Variants in CD40 observed in about 807,000 individuals in gnomAD.
CD40 encodes the protein tumor necrosis factor receptor superfamily member 5.
Under a neutral mutation model 38.5 loss-of-function variants are expected in CD40, and 19 were observed. The observed-to-expected ratio is 0.49, with a 90% CI of 0.34 to 0.72. The LOEUF (loss-of-function observed/expected upper bound fraction) is 0.72, where lower values mean the gene tolerates loss of function less well. Ranked by LOEUF, CD40 falls within the 30% of genes least tolerant of loss-of-function variation. The probability of loss-of-function intolerance (pLI) is 0.01; values close to 1 mark genes in which losing one functional copy is unlikely to be tolerated. For synonymous variants in CD40, 130 were observed against 128.7 expected (o/e 1.01, Z -0.07); for missense variants, 256 against 344.1 (o/e 0.74, Z 2.03).
rs1277705604 is a variant in CD40 at position 46,122,691 on chromosome 20, G to C, written c.338G>C (p.Ser113Thr). 3 of 1,614,184 alleles carry C rather than the reference G, an allele frequency of 1.9e-6. No individual in the cohort carries two copies. The South Asian group carries it at 3.3e-5, about 18-fold the overall frequency. The change falls in exon 4 of 9, where the codon AGT becomes ACT. Residue 113 changes from serine to threonine, a missense_variant. Physicochemically the swap from Ser to Thr is moderately conservative, Grantham distance 58 (BLOSUM62 1). Coordinates refer to ENST00000372285, the MANE Select transcript of CD40 (RefSeq NM_001250.6). This position sits in a 1 kb window ranked among gnomAD's most constrained non-coding sequence, Gnocchi z 5.0. ...TGTGAAGAAGGCTGGCACTGTACGAGTGAGGCCTGTGAGAGCTGTGTCCTG... is the reference window on the plus strand; with the variant it reads ...TGTGAAGAAGGCTGGCACTGTACGACTGAGGCCTGTGAGAGCTGTGTCCTG... ...CTCEEGWHCT[S>T]EACESCVLHR...
chr20:46,129,141 T>A lies in CD40; in HGVS notation c.*101T>A. 7.5e-7 allele frequency: 1 copy of A among 1,341,812 alleles called. No individual in the cohort carries two copies. Among genetic ancestry groups the A allele is most frequent in the Non-Finnish European group, 1.1e-6 (1 of 943,210 alleles). 83.1% of individuals were successfully genotyped at this position (1,341,812 alleles called of 1,614,324 possible). ...TGGCGTGAGGGTGAGGGGCTGGCAC[T>A]GACTGGGCATAGCTCCCCGCTTCTG... is the stretch of plus-strand genomic sequence containing the variant. On this transcript the variant is annotated 3_prime_UTR_variant, in exon 9 of 9. Coordinates refer to ENST00000372285, the MANE Select transcript of CD40 (RefSeq NM_001250.6).
At chr20:46,124,751 G>GTTGTTTTTT (rs2085390341) in intron 5 of CD40, among the ~76,000 whole-genome samples, 1 of 73,938 alleles carries the variant, frequency 1.4e-5, no homozygotes, top group East Asian at 4.1e-4. Flanking sequence ...CACTGGTATA[G>GTTGTTTTTT]TTTTTTTTTT....
chr20:46,125,033 C>T (rs2085404515), intron 5 of CD40, among the ~76,000 whole-genome samples: 1 of 151,480 alleles, frequency 6.6e-6, no homozygotes, highest in South Asian at 2.1e-4. Flanking sequence ...TCCCAAAGTG[C>T]TGGGATTACA....
chr20:46,128,687 G>A (rs1369392520), intron 8 of CD40, 195 bp from the exon 9 acceptor site: 1 of 673,656 alleles, frequency 1.5e-6, no homozygotes, highest in African/African-American at 1.8e-5. Flanking sequence ...TAAGCCCACT[G>A]GCTCCCACTC....
chr20:46,124,031 G>C (rs2085371359), intron 5 of CD40, among the ~76,000 whole-genome samples: 1 of 152,222 alleles, frequency 6.6e-6, no homozygotes, highest in African/African-American at 2.4e-5. Flanking sequence ...AGGCGCGGTG[G>C]CTCTTGCCTG....
In CD40 at chr20:46,124,758, T is replaced by TTTTG. The variant is rs2085392865; in HGVS notation, c.497+1542_497+1543insGTTT. Among the ~76,000 whole-genome samples, 4 of 97,830 alleles carry TTTTG rather than the reference T, an allele frequency of 4.1e-5. 1 individual carries two copies. In the East Asian group the frequency reaches 1.0e-3, roughly 26 times the overall value. 64.2% of individuals were successfully genotyped at this position (97,830 alleles called of 152,430 possible). A position where few individuals can be genotyped will look rare whatever the true frequency, so the allele number is the denominator to read the frequency against. Reference sequence around the variant, plus strand: ...GGAGGCACCACTGGTATAGTTTTTTTTTTTTTTTTTTTTTTTTTTTTTTTT... The same window carrying TTTTG: ...GGAGGCACCACTGGTATAGTTTTTTTTTTGTTTTTTTTTTTTTTTTTTTTTTTTT... On this transcript the variant is annotated intron_variant, in intron 5 of 8. Coordinates refer to ENST00000372285, the MANE Select transcript of CD40 (RefSeq NM_001250.6).
At position 46,122,306 on chromosome 20, in the gene CD40, A is replaced by G. The variant is rs142258778; in HGVS notation, c.204A>G (p.Leu68=). Residue 68 remains leucine (L), a synonymous_variant, in exon 3 of 9, where the codon CTA becomes CTG. Transcript: ENST00000372285. This position sits in a 1 kb window ranked among gnomAD's most constrained non-coding sequence, Gnocchi z 5.0. Reference sequence around the variant, plus strand: ...TTCCTTGCGGTGAAAGCGAATTCCTAGACACCTGGAACAGAGAGACACACT... The same window carrying G: ...TTCCTTGCGGTGAAAGCGAATTCCTGGACACCTGGAACAGAGAGACACACT... The part of the protein sequence containing the change: ...ECLPCGESEF[L]DTWNRETHCH... 1.2e-5 allele frequency: 20 copies of G among 1,614,166 alleles called. No individual in the cohort carries two copies. In the African/African-American group the frequency reaches 2.5e-4, roughly 20 times the overall value.
At chr20:46,119,598 G>A (rs1448010238) in intron 1 of CD40, among the ~76,000 whole-genome samples, 1 of 152,194 alleles carries the variant, frequency 6.6e-6, no homozygotes, top group Non-Finnish European at 1.5e-5. Flanking sequence ...TCCAGGTAGA[G>A]GCTGGGCTGT....
intron 1 of CD40, among the ~76,000 whole-genome samples, 156 bp downstream of exon 1, chr20:46,118,550 G>A (rs556531127): frequency 6.6e-6 from 1 of 152,306 alleles, no homozygotes; most frequent in East Asian, 1.9e-4. Flanking sequence ...CTGGCTGAAT[G>A]GGGTGGGCTG....
At chr20:46,128,068 A>G (rs2085471059) in intron 6 of CD40, 70 bp from the exon 7 acceptor site, 2 of 1,613,442 alleles carry the variant, frequency 1.2e-6, no homozygotes, top group African/African-American at 1.3e-5. Context: ...GAGTCTGACA[A>G]GTCACAGCAG....
rs3765459 is a variant in CD40, at chr20:46,128,768, G to A, written c.676-114G>A. ...GCACCCGAGGAATCAGCACTGACCCGCCGTCTGGGAAAGGGGGGAGGGCTT... is the reference window on the plus strand; with the variant it reads ...GCACCCGAGGAATCAGCACTGACCCACCGTCTGGGAAAGGGGGGAGGGCTT... On this transcript the variant is annotated intron_variant, in intron 8 of 8. Coordinates refer to ENST00000372285, the MANE Select transcript of CD40 (RefSeq NM_001250.6). 0.22 allele frequency: 259,896 copies of A among 1,156,138 alleles called. 31,272 individuals carry two copies. Among genetic ancestry groups the A allele is most frequent in the East Asian group, 0.29 (11,583 of 40,436 alleles). The allele number at this position is 1,156,138 out of a possible 1,614,324, so 71.6% of individuals were successfully genotyped here.
At chr20:46,127,406 C>T (rs2085458604) in intron 6 of CD40, 1 of 156,172 alleles carries the variant, frequency 6.4e-6, no homozygotes, top group South Asian at 1.9e-4. Context: ...GTTTGCATGA[C>T]CCTGCCTCAC....
intron 7 of CD40, 34 bp from the exon 8 acceptor site, chr20:46,128,296 T>G: frequency 6.6e-7 from 1 of 1,520,708 alleles, no homozygotes; most frequent in Admixed American, 1.8e-5. Context: ...CCTCTCCAAC[T>G]CCCCATCCTT....
In CD40 at chr20:46,129,571, G is replaced by T; in HGVS notation, c.*531G>T. The T allele has an allele frequency of 5.6e-6, 1 of 180,032 alleles. No homozygotes were observed. The highest frequency in any genetic ancestry group is 1.2e-4 in the South Asian group (1 of 8,144). The allele number at this position is 180,032 out of a possible 1,614,324, so 11.2% of individuals were successfully genotyped here. On this transcript the variant is annotated 3_prime_UTR_variant, in exon 9 of 9. Transcript: ENST00000372285. ...AAAAAAAGGCATGCTGCTGAATGAT[G>T]GGTATGGAACTTTTTAAAAAAGTAC...
At chr20:46,124,670 T>C (rs1445638581) in intron 5 of CD40, among the ~76,000 whole-genome samples, 2 of 149,846 alleles carry the variant, frequency 1.3e-5, no homozygotes, top group Non-Finnish European at 3.0e-5. Flanking sequence ...CCCCTATACC[T>C]GGAACAGTAC....
At position 46,122,141 on chromosome 20, in the gene CD40, C is replaced by T. The variant is rs192657612; in HGVS notation, c.131-92C>T. On this transcript the variant is annotated intron_variant, in intron 2 of 8. Transcript: ENST00000372285. The surrounding 1 kb of genome is among the most constrained non-coding windows in gnomAD (Gnocchi z 5.0). ...GATCCAAGACTTTCATCTTTGAATC[C>T]CCTACCCTAAAGCCTGGCCTGATCA... is the stretch of plus-strand genomic sequence containing the variant. The T allele has an allele frequency of 7.4e-6, 11 of 1,495,930 alleles. No individual in the cohort carries two copies. The highest frequency in any genetic ancestry group is 1.0e-5 in the Non-Finnish European group (11 of 1,073,366). 92.7% of individuals were successfully genotyped at this position (1,495,930 alleles called of 1,614,324 possible). A position where few individuals can be genotyped will look rare whatever the true frequency, so the allele number is the denominator to read the frequency against.
At chr20:46,123,712 T>TG (rs1183602831) in intron 5 of CD40, among the ~76,000 whole-genome samples, 1 of 151,980 alleles carries the variant, frequency 6.6e-6, no homozygotes, top group Non-Finnish European at 1.5e-5. Flanking sequence ...GTGGTCTGGG[T>TG]GATGCCTTTT....
At chr20:46,123,860 A>G (rs180807808) in intron 5 of CD40, among the ~76,000 whole-genome samples, 2 of 152,268 alleles carry the variant, frequency 1.3e-5, no homozygotes, top group Admixed American at 1.3e-4. Context: ...TCTCTGTTGG[A>G]ACTAAGACTC....
chr20:46,124,750 A>ATT (rs1568908672), intron 5 of CD40, among the ~76,000 whole-genome samples: 2 of 65,390 alleles, frequency 3.1e-5, no homozygotes, highest in Non-Finnish European at 6.8e-5. Context: ...CCACTGGTAT[A>ATT]GTTTTTTTTT....
Sources: allele counts gnomAD v4.1 joint callset (sites outside exome capture counted in the v4.1 genomes callset), GRCh38; gene constraint gnomAD v4.1.1; non-coding constraint Gnocchi (gnomAD v3.1); transcripts MANE v1.5; gene names NCBI Gene and HGNC (gene_info 2026-07-23, HGNC 2026-07-21).